ABCA7: variants seen among roughly 807,000 people sequenced by gnomAD.
ABCA7 encodes phospholipid-transporting ATPase ABCA7.
A neutral mutation model predicts 227.6 loss-of-function variants in ABCA7; 261 were observed. That is an observed-to-expected ratio of 1.15 (90% CI 1.04 to 1.27). The LOEUF (loss-of-function observed/expected upper bound fraction) is 1.27. Among genes scored for constraint, ABCA7 ranks in the 50% most tolerant of loss-of-function variants. ABCA7 has a pLI of 0.00. For synonymous variants in ABCA7, 1,488 were observed against 1,279.7 expected, an observed-to-expected ratio of 1.16 and a Z score of -3.47; for missense variants, 3,331 against 2,924.5, an observed-to-expected ratio of 1.14 and a Z score of -3.21.
At chr19:1,063,444 A>G (rs4147929) in intron 42 of ABCA7, 100 bp from the exon 43 acceptor site, 1,233,815 of 1,483,286 alleles carry the variant, frequency 0.83, 515,304 homozygotes, top group African/African-American at 0.96. Flanking sequence ...CATGCCCATT[A>G]TGCCCCTGCT....
Position 1,058,014 on chromosome 19 carries a change from C to A in ABCA7, c.4980C>A (p.Ile1660=), listed in dbSNP as rs757209546. ...CCTGCATAAACCTCTTTATTGGCATCAATGGAAGCATGGCCACCTTTGTGC... is the reference window on the plus strand; with the variant it reads ...CCTGCATAAACCTCTTTATTGGCATAAATGGAAGCATGGCCACCTTTGTGC... The part of the protein sequence containing the change: ...VLTCINLFIG[I]NGSMATFVLE... The change falls in exon 36 of 47, where the codon ATC becomes ATA. Residue 1660 remains isoleucine, a synonymous_variant. Transcript: ENST00000263094. The A allele has an allele frequency of 1.5e-5, 24 of 1,613,988 alleles. No homozygotes were observed. In the East Asian group the frequency reaches 5.1e-4, roughly 34 times the overall value.
intron 37 of ABCA7, 111 bp downstream of exon 37, chr19:1,058,380 G>C (rs1473447628): frequency 1.3e-6 from 2 of 1,490,752 alleles, no homozygotes; most frequent in Non-Finnish European, 1.8e-6. Flanking sequence ...AGACAGCCAG[G>C]GTTCTTAGGT....
chr19:1,054,755 A>G lies in ABCA7; in HGVS notation c.3852-25A>G. The G allele has an allele frequency of 6.2e-7, 1 of 1,608,244 alleles. No homozygotes were observed. The highest frequency in any genetic ancestry group is 8.5e-7 in the Non-Finnish European group (1 of 1,177,012). ...CTAGGGACCTGGGGGTACAGCCCTG[A>G]CCCTACATCTCCCCTCACACACAGT... On this transcript the variant is annotated intron_variant, in intron 28 of 46. Transcript: ENST00000263094. The surrounding 1 kb of genome is among the most constrained non-coding windows in gnomAD (Gnocchi z 4.8).
At position 1,043,822 on chromosome 19, in the gene ABCA7, C is replaced by A. The variant is rs1399718787; in HGVS notation, c.1028C>A (p.Ser343Tyr). ...PRIFTFMNDS[S>Y]NVAMLQRLLQ... Reference sequence around the variant, plus strand: ...ATCTTCACCTTCATGAACGACAGTTCCAATGTGGCCATGCTGCAGGTGTGC... The same window carrying A: ...ATCTTCACCTTCATGAACGACAGTTACAATGTGGCCATGCTGCAGGTGTGC... Residue 343 changes from serine (S) to tyrosine (Y), a missense_variant, in exon 10 of 47, where the codon TCC becomes TAC. Ser to Tyr is a moderately radical substitution (Grantham distance 144). Transcript: ENST00000263094. 6.2e-7 allele frequency: 1 copy of A among 1,613,142 alleles called. No homozygotes were observed. Among genetic ancestry groups the A allele is most frequent in the South Asian group, 1.1e-5 (1 of 91,068 alleles).
intron 17 of ABCA7, 111 bp downstream of exon 17, chr19:1,049,116 C>A (rs1008671900): frequency 9.6e-7 from 1 of 1,043,772 alleles, no homozygotes; most frequent in Non-Finnish European, 1.4e-6. Flanking sequence ...AACCCTCACA[C>A]CTGCCCTGAA....
Position 1,063,603 on chromosome 19 carries a change from C to A in ABCA7, c.5772C>A (p.Gly1924=). Residue 1924 remains glycine (G), a synonymous_variant, in exon 43 of 47, where the codon GGC becomes GGA. Transcript: ENST00000263094. Reference sequence around the variant, plus strand: ...CATGGTACGCAGACCGGCCTGCAGGCACCTACAGCGGAGGGAACAAACGCA... The same window carrying A: ...CATGGTACGCAGACCGGCCTGCAGGAACCTACAGCGGAGGGAACAAACGCA... ...GLSWYADRPA[G]TYSGGNKRKL... 6.2e-7 allele frequency: 1 copy of A among 1,611,178 alleles called. No homozygotes were observed. Among genetic ancestry groups the A allele is most frequent in the African/African-American group, 1.3e-5 (1 of 75,018 alleles).
At chr19:1,042,517 C>T in intron 6 of ABCA7, 120 bp downstream of exon 6, 2 of 1,298,138 alleles carry the variant, frequency 1.5e-6, no homozygotes, top group Non-Finnish European at 2.2e-6. Context: ...TCCCTGGTCT[C>T]TGCGGTGATG....
In ABCA7 at chr19:1,053,427, G is replaced by A; in HGVS notation, c.3319G>A (p.Gly1107Ser). 1 of 1,606,842 alleles carries A rather than the reference G, an allele frequency of 6.2e-7. No individual in the cohort carries two copies. Among genetic ancestry groups the A allele is most frequent in the East Asian group, 2.2e-5 (1 of 44,662 alleles). The change falls in exon 24 of 47, where the codon GGT (glycine) becomes AGT (serine). Residue 1107 changes from glycine to serine, a missense_variant. By Grantham distance (56) the Gly-to-Ser change is moderately conservative. Transcript: ENST00000263094. ...GCTGGTGCTGGTGCTGCCCTACACG[G>A]GTGCCCATGACGGCAGCTTCGCCAC... ...HELVLVLPYT[G>S]AHDGSFATLF...
chr19:1,047,388 G>A lies in ABCA7; in HGVS notation c.2067+10G>A, dbSNP rs755474176. ...TGGCCGCGTGGCCGCGGTGAGAGCC[G>A]GGTCGGGCGTGGATGGGGGACGCCC... On this transcript the variant is annotated intron_variant, in intron 15 of 46. Coordinates refer to ENST00000263094, the MANE Select transcript of ABCA7 (RefSeq NM_019112.4). 1.5e-5 allele frequency: 23 copies of A among 1,559,514 alleles called. No homozygotes were observed. Among genetic ancestry groups the A allele is most frequent in the Middle Eastern group, 1.8e-4 (1 of 5,560 alleles).
rs934241928 is a variant in ABCA7, at chr19:1,047,000, C to T, written c.1821C>T (p.Ala607=). The change falls in exon 14 of 47, where the codon GCC becomes GCT. Residue 607 remains alanine, a synonymous_variant. Coordinates refer to ENST00000263094, the MANE Select transcript of ABCA7 (RefSeq NM_019112.4). Reference sequence around the variant, plus strand: ...GCCTCGGGCCCTTCCTGCTCAGCGCCGCACTGCTGGTTCTGGTGCTCAAGG... The same window carrying T: ...GCCTCGGGCCCTTCCTGCTCAGCGCTGCACTGCTGGTTCTGGTGCTCAAGG... ...LSCLGPFLLS[A]ALLVLVLKLG... The T allele has an allele frequency of 3.8e-6, 6 of 1,576,324 alleles. No individual in the cohort carries two copies. The highest frequency in any genetic ancestry group is 2.7e-5 in the African/African-American group (2 of 74,474).
rs1341419364 is a variant in ABCA7, at chr19:1,049,346, C to T, written c.2461C>T (p.Gln821Ter). The change falls in exon 18 of 47, where the codon CAG becomes TAG. Residue 821 changes from glutamine to a stop codon, truncating the protein, a stop_gained. Transcript: ENST00000263094. LOFTEE classifies it high-confidence loss of function. ...SLEKRFPGSP[Q>*]PALRGLSLDF... The stretch of plus-strand genomic sequence containing the variant: ...GGAGAAGCGCTTTCCTGGAAGCCCG[C>T]AGCCAGCCCTGCGGGGGCTCAGCCT... 4 of 1,611,514 alleles carry T rather than the reference C, an allele frequency of 2.5e-6. No individual in the cohort carries two copies. In the African/African-American group the frequency reaches 4.0e-5, roughly 16 times the overall value.
At position 1,054,560 on chromosome 19, in the gene ABCA7, G is replaced by A; in HGVS notation, c.3727-10G>A. On this transcript the variant is annotated splice_polypyrimidine_tract_variant and intron_variant, in intron 27 of 46. Coordinates refer to ENST00000263094, the MANE Select transcript of ABCA7 (RefSeq NM_019112.4). This position sits in a 1 kb window ranked among gnomAD's most constrained non-coding sequence, Gnocchi z 4.8. ...GGATGGAAGCAGCAGCTGATGGGCTGGTCCCCCAGATCGTGCTGCCTGCCC... is the reference window on the plus strand; with the variant it reads ...GGATGGAAGCAGCAGCTGATGGGCTAGTCCCCCAGATCGTGCTGCCTGCCC... The A allele has an allele frequency of 6.2e-7, 1 of 1,606,630 alleles. No individual in the cohort carries two copies. Among genetic ancestry groups the A allele is most frequent in the Non-Finnish European group, 8.5e-7 (1 of 1,176,198 alleles).
Position 1,058,221 on chromosome 19 carries a change from A to T in ABCA7, c.5101A>T (p.Ile1701Phe). 1 of 1,613,606 alleles carries T rather than the reference A, an allele frequency of 6.2e-7. No individual in the cohort carries two copies. Among genetic ancestry groups the T allele is most frequent in the South Asian group, 1.1e-5 (1 of 91,062 alleles). The change falls in exon 37 of 47, where the codon ATT (isoleucine) becomes TTT (phenylalanine). Residue 1701 changes from isoleucine to phenylalanine, a missense_variant. Coordinates refer to ENST00000263094, the MANE Select transcript of ABCA7 (RefSeq NM_019112.4). ...FPHFCLGRGLIDMVRNQAMAD... is the reference protein window; with the variant it reads ...FPHFCLGRGLFDMVRNQAMAD... ...CCACTTCTGCTTGGGCCGGGGGCTCATTGACATGGTGCGGAACCAGGCCAT... is the reference window on the plus strand; with the variant it reads ...CCACTTCTGCTTGGGCCGGGGGCTCTTTGACATGGTGCGGAACCAGGCCAT...
chr19:1,049,364 C>T lies in ABCA7; in HGVS notation c.2479C>T (p.Leu827Phe), dbSNP rs760050206. The T allele has an allele frequency of 3.1e-6, 5 of 1,611,532 alleles. No individual in the cohort carries two copies. Among genetic ancestry groups the T allele is most frequent in the Middle Eastern group, 1.7e-4 (1 of 6,054 alleles). Residue 827 changes from leucine to phenylalanine, a missense_variant, in exon 18 of 47, where the codon CTC becomes TTC. Coordinates refer to ENST00000263094, the MANE Select transcript of ABCA7 (RefSeq NM_019112.4). ...AAGCCCGCAGCCAGCCCTGCGGGGGCTCAGCCTGGACTTCTACCAGGGCCA... is the reference window on the plus strand; with the variant it reads ...AAGCCCGCAGCCAGCCCTGCGGGGGTTCAGCCTGGACTTCTACCAGGGCCA... ...PGSPQPALRG[L>F]SLDFYQGHIT...
In ABCA7 at chr19:1,065,340, G is replaced by C. The variant is rs747731177; in HGVS notation, c.6356G>C (p.Gly2119Ala). Residue 2119 changes from glycine (G) to alanine (A), a missense_variant, in exon 47 of 47, where the codon GGA becomes GCA. Gly to Ala is a moderately conservative substitution (Grantham distance 60). Coordinates refer to ENST00000263094, the MANE Select transcript of ABCA7 (RefSeq NM_019112.4). Reference protein sequence around the residue: ...DTEEQKEAGVGVDPAPGLQHP... With the variant: ...DTEEQKEAGVAVDPAPGLQHP... ...GAAGAGCAGAAGGAGGCAGGAGTGG[G>C]AGTGGACCCCGCGCCAGGCCTGCAG... The C allele has an allele frequency of 1.2e-6, 2 of 1,613,704 alleles. No homozygotes were observed. The highest frequency in any genetic ancestry group is 1.7e-6 in the Non-Finnish European group (2 of 1,180,010).
chr19:1,053,564 AGGAGGAG>A (rs1282256669), intron 24 of ABCA7, 33 bp downstream of exon 24: 1 of 1,548,060 alleles, frequency 6.5e-7, no homozygotes, highest in Non-Finnish European at 8.7e-7. Context: ...AGGTGGGGCC[AGGAGGAG>A]GGCTTCCTGG....
chr19:1,056,811 C>A lies in ABCA7; in HGVS notation c.4587-96C>A. Reference sequence around the variant, plus strand: ...TGCCATCTCTGCCACTGCTGACTGCCCCATAGACCTTTGTCCCATCAATGG... The same window carrying A: ...TGCCATCTCTGCCACTGCTGACTGCACCATAGACCTTTGTCCCATCAATGG... On this transcript the variant is annotated intron_variant, in intron 33 of 46. Transcript: ENST00000263094. The surrounding 1 kb of genome is among the most constrained non-coding windows in gnomAD (Gnocchi z 4.3). 7.3e-7 allele frequency: 1 copy of A among 1,362,640 alleles called. No individual in the cohort carries two copies. The highest frequency in any genetic ancestry group is 1.3e-5 in the South Asian group (1 of 74,768). 84.4% of individuals were successfully genotyped at this position (1,362,640 alleles called of 1,614,324 possible).
At position 1,056,288 on chromosome 19, in the gene ABCA7, C is replaced by CA; in HGVS notation, c.4417-40dup. 1 of 1,602,792 alleles carries CA rather than the reference C, an allele frequency of 6.2e-7. No homozygotes were observed. The highest frequency in any genetic ancestry group is 8.5e-7 in the Non-Finnish European group (1 of 1,173,734). On this transcript the variant is annotated intron_variant, in intron 32 of 46. Transcript: ENST00000263094. The surrounding 1 kb of genome is among the most constrained non-coding windows in gnomAD (Gnocchi z 4.3). Reference sequence around the variant, plus strand: ...GTGGGCGTCCTGTCACAGCAAGGTCCAACCCCATTGCTCTGACCCTATGAC... The same window carrying CA: ...GTGGGCGTCCTGTCACAGCAAGGTCCAAACCCCATTGCTCTGACCCTATGAC...
At position 1,046,947 on chromosome 19, in the gene ABCA7, G is replaced by A; in HGVS notation, c.1768G>A (p.Val590Met). Residue 590 changes from valine to methionine, a missense_variant, in exon 14 of 47, where the codon GTG becomes ATG. Coordinates refer to ENST00000263094, the MANE Select transcript of ABCA7 (RefSeq NM_019112.4). The stretch of plus-strand genomic sequence containing the variant: ...GCGCGCCATGGGGCTCAGCCGCGCG[G>A]TGCTCTGGCTAGGCTGGTTCCTCAG... ...TMRAMGLSRA[V>M]LWLGWFLSCL... is the part of the protein sequence containing the mutation. 6.4e-6 allele frequency: 10 copies of A among 1,569,772 alleles called. No homozygotes were observed. The highest frequency in any genetic ancestry group is 8.6e-6 in the Non-Finnish European group (10 of 1,166,166).
Sources: allele counts gnomAD v4.1 joint callset, GRCh38; gene constraint gnomAD v4.1.1; non-coding constraint Gnocchi (gnomAD v3.1); transcripts MANE v1.5; gene names NCBI Gene and HGNC (gene_info 2026-07-23, HGNC 2026-07-21).